RAD51B: variants seen among roughly 807,000 people sequenced by gnomAD.
RAD51B encodes the protein DNA repair protein RAD51 homolog 2.
RAD51B carries 38 observed loss-of-function variants against 42.2 expected under a neutral mutation model. The ratio of observed to expected loss-of-function variants is 0.90; its 90% CI spans 0.70 to 1.18. The LOEUF (loss-of-function observed/expected upper bound fraction) is 1.18. RAD51B is among the 50% of genes most tolerant of loss of function. The probability of loss-of-function intolerance (pLI) is 0.00; values close to 1 mark genes in which losing one functional copy is unlikely to be tolerated. For synonymous variants in RAD51B, 154 were observed against 145.2 expected, an observed-to-expected ratio of 1.06 and a Z score of -0.43; for missense variants, 373 against 400.7, an observed-to-expected ratio of 0.93 and a Z score of 0.59.
chr14:68,589,039 C>A (rs963197991), intron 10 of RAD51B, among the ~76,000 whole-genome samples: 1 of 152,164 alleles, frequency 6.6e-6, no homozygotes, highest in African/African-American at 2.4e-5. Flanking sequence ...GTCCCTTAAC[C>A]TCTCTAAGCC....
chr14:67,975,366 T>C (rs766751792), intron 7 of RAD51B, among the ~76,000 whole-genome samples: 2 of 152,228 alleles, frequency 1.3e-5, no homozygotes, highest in African/African-American at 2.4e-5. Flanking sequence ...GTTGTGACTC[T>C]CATTGGCCTA....
In RAD51B at chr14:67,865,116, A is replaced by G. The variant is rs759355566; in HGVS notation, c.429A>G (p.Thr143=). The change falls in exon 5 of 11, where the codon ACA becomes ACG. Residue 143 remains threonine (T), a synonymous_variant. Transcript: ENST00000471583. ...GLEGAVVYID[T]ESAFSAERLV... Reference sequence around the variant, plus strand: ...AAGGAGCTGTGGTGTACATTGACACAGAGTCTGCATTTAGTGCTGAAAGGT... The same window carrying G: ...AAGGAGCTGTGGTGTACATTGACACGGAGTCTGCATTTAGTGCTGAAAGGT... The G allele has an allele frequency of 1.2e-6, 2 of 1,602,568 alleles. No individual in the cohort carries two copies. Among genetic ancestry groups the G allele is most frequent in the Non-Finnish European group, 1.7e-6 (2 of 1,174,912 alleles).
At chr14:67,920,131 G>C (rs917001668) in intron 7 of RAD51B, among the ~76,000 whole-genome samples, 8 of 151,990 alleles carry the variant, frequency 5.3e-5, no homozygotes, top group African/African-American at 1.9e-4. Flanking sequence ...GACTAGAGCG[G>C]TACAAAGGAA....
exon 11 of RAD51B, chr14:68,595,073 G>A (rs1257870946): frequency 3.5e-5 from 37 of 1,067,870 alleles, no homozygotes; most frequent in Non-Finnish European, 3.7e-5. Context: ...CTCCTGAGCC[G>A]ATGCCTTCCC....
At chr14:67,907,621 G>GT (rs942283009) in intron 7 of RAD51B, among the ~76,000 whole-genome samples, 7 of 152,000 alleles carry the variant, frequency 4.6e-5, no homozygotes, top group Admixed American at 1.3e-4. Context: ...TTATCACTGG[G>GT]TTTTTTTATG....
chr14:68,325,206 T>TA (rs1291586224), intron 8 of RAD51B, among the ~76,000 whole-genome samples: 1 of 152,226 alleles, frequency 6.6e-6, no homozygotes, highest in African/African-American at 2.4e-5. Flanking sequence ...ACCTACCTAA[T>TA]AAGGATTAAG....
chr14:68,070,020 A>G (rs760459041), intron 7 of RAD51B, among the ~76,000 whole-genome samples: 5 of 152,132 alleles, frequency 3.3e-5, no homozygotes, highest in Admixed American at 1.3e-4. Context: ...TTTGATTTGC[A>G]TTTCCCTAAT....
chr14:68,528,002 A>T (rs887173336), intron 10 of RAD51B, among the ~76,000 whole-genome samples: 1 of 152,108 alleles, frequency 6.6e-6, no homozygotes, highest in Non-Finnish European at 1.5e-5. Flanking sequence ...TTAAAACATT[A>T]TTTTTTTTAA....
At position 68,291,967 on chromosome 14, in the gene RAD51B, G is replaced by A. The variant is rs1295381195; in HGVS notation, c.840G>A (p.Leu280=). Residue 280 remains leucine (L), a synonymous_variant, in exon 8 of 11, where the codon TTG becomes TTA. Transcript: ENST00000471583. The part of the protein sequence containing the change: ...QADLVSPADD[L]SLSEGTSGSS... ...ACCTGGTGTCTCCAGCTGATGATTT[G>A]TCCCTGTCTGAAGGTAAGGAATCTG... The A allele has an allele frequency of 6.2e-7, 1 of 1,612,610 alleles. No individual in the cohort carries two copies. The highest frequency in any genetic ancestry group is 1.3e-5 in the African/African-American group (1 of 74,808).
At chr14:67,865,182 CT>C in intron 5 of RAD51B, 43 bp downstream of exon 5, 1 of 1,499,836 alleles carries the variant, frequency 6.7e-7, no homozygotes, top group Non-Finnish European at 9.0e-7. Context: ...ACTTTTGTAA[CT>C]TATATACAGC....
chr14:68,019,569 C>CA (rs1256107244), intron 7 of RAD51B, among the ~76,000 whole-genome samples: 1 of 151,414 alleles, frequency 6.6e-6, no homozygotes, highest in Non-Finnish European at 1.5e-5. Context: ...TTATGAGATG[C>CA]AAAACCTGCA....
At chr14:67,939,256 G>T (rs1433228030) in intron 7 of RAD51B, among the ~76,000 whole-genome samples, 1 of 152,050 alleles carries the variant, frequency 6.6e-6, no homozygotes, top group Non-Finnish European at 1.5e-5. Flanking sequence ...GCAAAAAAGG[G>T]AATACCAAAT....
chr14:67,854,714 G>A (rs2041931155), intron 4 of RAD51B, among the ~76,000 whole-genome samples: 1 of 151,844 alleles, frequency 6.6e-6, no homozygotes, highest in African/African-American at 2.4e-5. Context: ...TGTAATCCCA[G>A]CACTTTGGGA....
At chr14:68,411,316 C>A (rs1000215467) in intron 8 of RAD51B, 108 bp from the exon 9 acceptor site, 1 of 863,606 alleles carries the variant, frequency 1.2e-6, no homozygotes, top group Non-Finnish European at 1.9e-6. Context: ...ATGAACTGAG[C>A]CTCCAAGTAC....
chr14:68,324,279 C>T (rs767139130), intron 8 of RAD51B, among the ~76,000 whole-genome samples: 10 of 152,192 alleles, frequency 6.6e-5, no homozygotes, highest in Non-Finnish European at 1.3e-4. Flanking sequence ...ATACCCAACC[C>T]GCACATCTGG....
chr14:67,953,196 A>G (rs555446915), intron 7 of RAD51B, among the ~76,000 whole-genome samples: 1 of 152,174 alleles, frequency 6.6e-6, no homozygotes. Flanking sequence ...TAAGTGCTTC[A>G]TGAAGGAAGT....
rs534207569 is a variant in RAD51B at position 67,926,558 on chromosome 14, C to CTTTTT, written c.756+39374_756+39378dup. 1.3e-3 allele frequency among the ~76,000 whole-genome samples: 113 copies of CTTTTT among 85,124 alleles called. 4 individuals are homozygous for CTTTTT. The highest frequency in any genetic ancestry group is 1.7e-3 in the Non-Finnish European group (78 of 45,182). The allele number at this position is 85,124 out of a possible 152,430, so 55.8% of individuals were successfully genotyped here. A position where few individuals can be genotyped will look rare whatever the true frequency, so the allele number is the denominator to read the frequency against. On this transcript the variant is annotated intron_variant, in intron 7 of 10. Coordinates refer to ENST00000471583, the MANE Select transcript of RAD51B (RefSeq NM_133510.4). ...TGCCAGTGTTGAAGGGATATGTTTCCTTTTTTTTTTTTTTTTTTTTTTTTG... is the reference window on the plus strand; with the variant it reads ...TGCCAGTGTTGAAGGGATATGTTTCCTTTTTTTTTTTTTTTTTTTTTTTTTTTTTG...
chr14:67,963,436 A>T (rs1030208396), intron 7 of RAD51B, among the ~76,000 whole-genome samples: 1 of 152,164 alleles, frequency 6.6e-6, no homozygotes, highest in Admixed American at 6.5e-5. Flanking sequence ...TTGAATTTAT[A>T]TAATGAGAAT....
intron 7 of RAD51B, among the ~76,000 whole-genome samples, chr14:68,010,884 G>A (rs1275297555): frequency 6.6e-6 from 1 of 151,864 alleles, no homozygotes; most frequent in African/African-American, 2.4e-5. Flanking sequence ...GTTCCAAAGT[G>A]CTATTTTGTG....
Sources: allele counts gnomAD v4.1 joint callset (sites outside exome capture counted in the v4.1 genomes callset), GRCh38; gene constraint gnomAD v4.1.1; transcripts MANE v1.5; gene names NCBI Gene and HGNC (gene_info 2026-07-23, HGNC 2026-07-21).